Variants in ZC4H2 observed in about 807,000 individuals in gnomAD.
ZC4H2 encodes zinc finger C4H2-type containing, also known as zinc finger C4H2 domain-containing protein.
For missense variants in ZC4H2, 137 were observed against 173.9 expected, an observed-to-expected ratio of 0.79 and a Z score of 1.19; for synonymous variants, 84 against 66.3, an observed-to-expected ratio of 1.27 and a Z score of -1.30.
At chrX:64,987,227 C>T (rs1195322901) in intron 1 of ZC4H2, among the ~76,000 whole-genome samples, 2 of 108,961 alleles carry the variant, frequency 1.8e-5, no homozygotes, top group Non-Finnish European at 3.8e-5. Flanking sequence ...CGTGCCTGGC[C>T]GACACAGACA....
At chrX:64,965,332 A>G (rs1409106999) in intron 1 of ZC4H2, 1 of 207,465 alleles carries the variant, frequency 4.8e-6, no homozygotes, top group Non-Finnish European at 9.0e-6. Flanking sequence ...AAAGATACAC[A>G]AATAAAGCAA....
intron 1 of ZC4H2, among the ~76,000 whole-genome samples, chrX:64,973,231 C>T (rs1211684618): frequency 3.6e-5 from 4 of 110,041 alleles, no homozygotes; most frequent in Admixed American, 2.9e-4. Context: ...TTAGTTTCTC[C>T]ATTTTCTTTG....
At chrX:65,018,202 G>A (rs963666477) in intron 1 of ZC4H2, among the ~76,000 whole-genome samples, 2 of 112,648 alleles carry the variant, frequency 1.8e-5, no homozygotes, top group African/African-American at 6.4e-5. Flanking sequence ...CATACAAGCT[G>A]CCAACAAACA....
intron 1 of ZC4H2, among the ~76,000 whole-genome samples, chrX:65,013,180 G>A (rs1183930830): frequency 8.9e-6 from 1 of 111,950 alleles, no homozygotes; most frequent in Non-Finnish European, 1.9e-5. Flanking sequence ...TCTCTGTGTG[G>A]TCTAATCCAA....
intron 1 of ZC4H2, among the ~76,000 whole-genome samples, chrX:64,994,263 C>T (rs945017219): frequency 2.7e-5 from 3 of 111,025 alleles, no homozygotes; most frequent in Admixed American, 1.9e-4. Context: ...ATTTTTAAAG[C>T]GGCAGAAACA....
chrX:64,968,453 A>G (rs1931664685), intron 1 of ZC4H2, among the ~76,000 whole-genome samples: 1 of 111,426 alleles, frequency 9.0e-6, no homozygotes, highest in African/African-American at 3.3e-5. Context: ...GAAATAGTGC[A>G]CTTCATGGAA....
chrX:64,978,303 C>T (rs923501024), upstream of ZC4H2, among the ~76,000 whole-genome samples: 3 of 111,859 alleles, frequency 2.7e-5, no homozygotes, highest in Non-Finnish European at 3.8e-5. Flanking sequence ...TCTTTGGATC[C>T]AAGATGTAAT....
At chrX:64,966,473 T>C (rs946253566) in intron 1 of ZC4H2, among the ~76,000 whole-genome samples, 7 of 112,409 alleles carry the variant, frequency 6.2e-5, no homozygotes, top group Non-Finnish European at 9.4e-5. Flanking sequence ...AATGGAAACA[T>C]TTTTCCACAA....
In ZC4H2 at chrX:64,933,166, G is replaced by A. The variant is rs772371708; in HGVS notation, c.54-11178C>T. Among the ~76,000 whole-genome samples, 54 of 111,641 alleles carry A rather than the reference G, an allele frequency of 4.8e-4. 1 individual carries two copies. Among genetic ancestry groups the A allele is most frequent in the Non-Finnish European group, 8.1e-4 (43 of 53,030 alleles). Reference sequence around the variant, plus strand: ...TAGCTTATTGTTAAAATTTTCCACTGTATTTTGTATTTCCCTAAGTGTGTC... The same window carrying A: ...TAGCTTATTGTTAAAATTTTCCACTATATTTTGTATTTCCCTAAGTGTGTC... On this transcript the variant is annotated intron_variant, in intron 1 of 4. Coordinates refer to ENST00000374839, the MANE Select transcript of ZC4H2 (RefSeq NM_018684.4).
upstream of ZC4H2, chrX:64,976,551 G>A (rs950034534): frequency 5.6e-5 from 26 of 466,235 alleles, no homozygotes; most frequent in Non-Finnish European, 8.1e-5. Flanking sequence ...AGGAAGCCCG[G>A]GGGCCTGTAG....
intron 1 of ZC4H2, among the ~76,000 whole-genome samples, chrX:65,025,312 GT>G (rs1277317187): frequency 9.1e-6 from 1 of 109,741 alleles, no homozygotes; most frequent in South Asian, 4.0e-4. Context: ...TGTCTGGCTA[GT>G]TTTTTTAAAT....
intron 4 of ZC4H2, 30 bp from the exon 5 acceptor site, chrX:64,917,926 A>G: frequency 8.4e-7 from 1 of 1,187,154 alleles, no homozygotes. Flanking sequence ...AAAGAAAGTT[A>G]GTAGTCAGAT....
At chrX:64,928,888 CCTT>C (rs1170362710) in intron 1 of ZC4H2, among the ~76,000 whole-genome samples, 23 of 97,419 alleles carry the variant, frequency 2.4e-4, no homozygotes, top group Non-Finnish European at 3.4e-4. Context: ...TTCTCTTTCT[CCTT>C]CTTTTTTTTT....
rs746349986 is a variant in ZC4H2, at chrX:65,014,566, G to GA, written c.-272+20062dup. Reference sequence around the variant, plus strand: ...AATTCATATTTCACCAAGCTCTACAGAAAAAACTGGGTTTAAGTCTTCATA... The same window carrying GA: ...AATTCATATTTCACCAAGCTCTACAGAAAAAAACTGGGTTTAAGTCTTCATA... On this transcript the variant is annotated intron_variant, in intron 1 of 4. Coordinates refer to the ZC4H2 transcript ENST00000337990. Among the ~76,000 whole-genome samples, 4 of 111,695 alleles carry GA rather than the reference G, an allele frequency of 3.6e-5. No individual in the cohort carries two copies. The East Asian group carries it at 8.4e-4, about 24-fold the overall frequency.
chrX:64,922,493 A>G (rs988386925), intron 1 of ZC4H2, among the ~76,000 whole-genome samples: 1 of 111,356 alleles, frequency 9.0e-6, no homozygotes, highest in African/African-American at 3.3e-5. Context: ...TGGGTCTCGA[A>G]TGGGGTTAAT....
intron 1 of ZC4H2, among the ~76,000 whole-genome samples, chrX:64,968,567 C>T (rs1291130952): frequency 3.6e-5 from 4 of 111,113 alleles, no homozygotes; most frequent in African/African-American, 1.3e-4. Flanking sequence ...AATGTTTGGC[C>T]CTACAAGTGA....
Position 64,941,006 on chromosome X carries a change from G to A in ZC4H2, c.54-19018C>T, listed in dbSNP as rs546179487. Among the ~76,000 whole-genome samples, 9 of 111,887 alleles carry A rather than the reference G, an allele frequency of 8.0e-5. No homozygotes were observed. The South Asian group carries it at 3.0e-3, about 37-fold the overall frequency. Reference sequence around the variant, plus strand: ...CTTTGGGCAGTATGGTCATTTTCACGATATTGATTCTTCCTATCCATGAGC... The same window carrying A: ...CTTTGGGCAGTATGGTCATTTTCACAATATTGATTCTTCCTATCCATGAGC... On this transcript the variant is annotated intron_variant, in intron 1 of 4. Transcript: ENST00000374839.
In ZC4H2 at chrX:64,921,954, G is replaced by C. The variant is rs766029456; in HGVS notation, c.88C>G (p.Arg30Gly). ...KTLQMEKIKARLKAEFEALES... is the reference protein window; with the variant it reads ...KTLQMEKIKAGLKAEFEALES... Reference sequence around the variant, plus strand: ...AGTGCCTCAAACTCAGCCTTCAAACGAGCCTTGATCTTCTCCATCTGCAGG... The same window carrying C: ...AGTGCCTCAAACTCAGCCTTCAAACCAGCCTTGATCTTCTCCATCTGCAGG... Residue 30 changes from arginine (R) to glycine (G), a missense_variant, in exon 2 of 5, where the codon CGT becomes GGT. Arg to Gly is a moderately radical substitution (Grantham distance 125, BLOSUM62 -2). Coordinates refer to ENST00000374839, the MANE Select transcript of ZC4H2 (RefSeq NM_018684.4). The C allele has an allele frequency of 1.7e-6, 2 of 1,208,194 alleles. No homozygotes were observed. Among genetic ancestry groups the C allele is most frequent in the African/African-American group, 3.5e-5 (2 of 56,592 alleles).
At chrX:64,999,057 T>G (rs1269231551) in intron 1 of ZC4H2, among the ~76,000 whole-genome samples, 2 of 98,619 alleles carry the variant, frequency 2.0e-5, no homozygotes, top group Non-Finnish European at 4.1e-5. Context: ...TTTTTTTTTT[T>G]TTTTTTTTTT....
Sources: gnomAD v4.1 joint callset for allele counts (sites outside exome capture counted in the v4.1 genomes callset) on GRCh38, gnomAD v4.1.1 for gene constraint, MANE v1.5 for transcripts, NCBI Gene and HGNC (gene_info 2026-07-23, HGNC 2026-07-21) for gene names.